The following USP30 variants were observed in gnomAD, a reference collection of about 807,000 sequenced individuals.
The protein encoded by USP30 is ubiquitin carboxyl-terminal hydrolase 30.
USP30 carries 41 observed loss-of-function variants against 68.2 expected under a neutral mutation model. The observed-to-expected ratio is 0.60, with a 90% CI of 0.47 to 0.78. The LOEUF (loss-of-function observed/expected upper bound fraction) is 0.78, where lower values mean the gene tolerates loss of function less well. USP30 is among the 30% of genes least tolerant of loss of function. The probability of loss-of-function intolerance (pLI) is 0.00; values close to 1 mark genes in which losing one functional copy is unlikely to be tolerated. For missense variants in USP30, 522 were observed against 649.4 expected, an observed-to-expected ratio of 0.80 and a Z score of 2.13; for synonymous variants, 229 against 253.7, an observed-to-expected ratio of 0.90 and a Z score of 0.93.
At chr12:109,027,442 T>A (rs1466819973) in intron 2 of USP30, 5 of 151,988 alleles carry the variant, frequency 3.3e-5, no homozygotes, top group Non-Finnish European at 7.4e-5. Flanking sequence ...CCAGCTAAGT[T>A]TTATTTATTT....
At position 109,085,208 on chromosome 12, in the gene USP30, A is replaced by G. The variant is rs2041911452; in HGVS notation, c.1289+135A>G. 4 of 1,046,364 alleles carry G rather than the reference A, an allele frequency of 3.8e-6. 1 individual carries two copies. The allele number at this position is 1,046,364 out of a possible 1,614,324, so 64.8% of individuals were successfully genotyped here. Reference sequence around the variant, plus strand: ...TTAAGGTGAAGTTTCACGATTACACATTCCTATTTATTTTTGTCCAAAATG... The same window carrying G: ...TTAAGGTGAAGTTTCACGATTACACGTTCCTATTTATTTTTGTCCAAAATG... On this transcript the variant is annotated intron_variant, in intron 12 of 12. Transcript: ENST00000257548.
chr12:109,053,407 C>T (rs2040735901), intron 1 of USP30, among the ~76,000 whole-genome samples: 1 of 152,012 alleles, frequency 6.6e-6, no homozygotes, highest in Non-Finnish European at 1.5e-5. Context: ...CCTGTTAAAG[C>T]CCTCCGTTCT....
At chr12:109,026,457 A>G (rs1183293431) in intron 2 of USP30, among the ~76,000 whole-genome samples, 1 of 151,088 alleles carries the variant, frequency 6.6e-6, no homozygotes, top group Non-Finnish European at 1.5e-5. Context: ...TTGGTGGCTT[A>G]CACAACAGAA....
chr12:109,067,177 G>A (rs1376862547), intron 3 of USP30, among the ~76,000 whole-genome samples: 5 of 140,346 alleles, frequency 3.6e-5, no homozygotes, highest in Non-Finnish European at 4.5e-5. Context: ...GCAGTGGCAC[G>A]ATGTCTGCTC....
chr12:109,026,893 C>T (rs1399212840), intron 2 of USP30, among the ~76,000 whole-genome samples: 1 of 152,164 alleles, frequency 6.6e-6, no homozygotes, highest in Non-Finnish European at 1.5e-5. Context: ...TGCTTACATG[C>T]TCTTTCCTTG....
At chr12:109,040,356 A>G (rs1321904533) in intron 3 of USP30, among the ~76,000 whole-genome samples, 2 of 152,212 alleles carry the variant, frequency 1.3e-5, no homozygotes, top group Non-Finnish European at 2.9e-5. Context: ...CACACTTTTA[A>G]CAAGCAGCTC....
In USP30 at chr12:109,047,293, G is replaced by A. The variant is rs139135839; in HGVS notation, c.-135-297G>A. Among the ~76,000 whole-genome samples, 6 of 152,200 alleles carry A rather than the reference G, an allele frequency of 3.9e-5. No individual in the cohort carries two copies. In the East Asian group the frequency reaches 1.2e-3, roughly 29 times the overall value. On this transcript the variant is annotated intron_variant, in intron 3 of 15. Coordinates refer to the USP30 transcript ENST00000392784. ...GAGGTCAACCCACAAACTTGTCTGG[G>A]GAGAAGGGTGAATCAGTGCTAAGAA... is the stretch of plus-strand genomic sequence containing the variant.
intron 1 of USP30, among the ~76,000 whole-genome samples, chr12:109,056,179 TTG>T (rs2040871536): frequency 7.2e-5 from 1 of 13,880 alleles, no homozygotes; most frequent in South Asian, 4.4e-3. Context: ...TTAGTTTTTG[TTG>T]TTGTTGTTGT....
chr12:109,075,531 T>C (rs2041574441), intron 7 of USP30, among the ~76,000 whole-genome samples: 1 of 152,192 alleles, frequency 6.6e-6, no homozygotes, highest in African/African-American at 2.4e-5. Context: ...TTTGTATTTT[T>C]AGTAGAGATC....
chr12:109,073,156 A>T (rs945795268), intron 6 of USP30, among the ~76,000 whole-genome samples: 4 of 152,248 alleles, frequency 2.6e-5, no homozygotes, highest in Admixed American at 2.0e-4. Flanking sequence ...CATTTTAAGC[A>T]TATGTTTGTA....
rs535748784 is a variant in USP30 at position 109,052,615 on chromosome 12, C to T, written c.-64C>T. 1.3e-4 allele frequency: 185 copies of T among 1,414,108 alleles called. No homozygotes were observed. Among genetic ancestry groups the T allele is most frequent in the Non-Finnish European group, 1.6e-4 (174 of 1,087,164 alleles). 87.6% of individuals were successfully genotyped at this position (1,414,108 alleles called of 1,614,324 possible). On this transcript the variant is annotated 5_prime_UTR_variant, in exon 1 of 13. Coordinates refer to ENST00000257548, the MANE Select transcript of USP30 (RefSeq NM_032663.5). ...CGCTGTCTCGGGAACCGTCGTATCCCTCGGTCCGGCGGCGGCGGCGGCGGT... is the reference window on the plus strand; with the variant it reads ...CGCTGTCTCGGGAACCGTCGTATCCTTCGGTCCGGCGGCGGCGGCGGCGGT...
intron 3 of USP30, among the ~76,000 whole-genome samples, chr12:109,036,721 TG>T (rs996733230): frequency 6.6e-6 from 1 of 152,154 alleles, no homozygotes; most frequent in African/African-American, 2.4e-5. Flanking sequence ...TTGACAGCTT[TG>T]TTTTTTTTTA....
intron 3 of USP30, among the ~76,000 whole-genome samples, chr12:109,064,625 C>G (rs1455083247): frequency 6.6e-6 from 1 of 152,136 alleles, no homozygotes; most frequent in Non-Finnish European, 1.5e-5. Flanking sequence ...TCAAGACACC[C>G]CAGTTTATTC....
chr12:109,074,405 A>G (rs1164235503), intron 7 of USP30, among the ~76,000 whole-genome samples: 1 of 152,222 alleles, frequency 6.6e-6, no homozygotes, highest in Non-Finnish European at 1.5e-5. Context: ...TAGAATTGCT[A>G]GCTTATATGG....
intron 2 of USP30, among the ~76,000 whole-genome samples, chr12:109,025,673 A>G (rs1241886244): frequency 6.6e-6 from 1 of 151,966 alleles, no homozygotes; most frequent in Non-Finnish European, 1.5e-5. Flanking sequence ...TGGAAGTGGA[A>G]CTGCCACTTT....
chr12:109,036,688 T>C (rs1226140321), intron 3 of USP30, among the ~76,000 whole-genome samples: 1 of 152,230 alleles, frequency 6.6e-6, no homozygotes, highest in African/African-American at 2.4e-5. Context: ...TAAAGAATAG[T>C]TTTGCCAGAT....
chr12:109,059,300 T>C (rs530874473), intron 3 of USP30, among the ~76,000 whole-genome samples: 1 of 152,176 alleles, frequency 6.6e-6, no homozygotes, highest in East Asian at 1.9e-4. Context: ...GTTCAAGTGA[T>C]TCTTGTGCCT....
At chr12:109,071,502 G>T (rs2041440382) in intron 4 of USP30, 110 bp from the exon 5 acceptor site, 2 of 840,580 alleles carry the variant, frequency 2.4e-6, no homozygotes, top group Non-Finnish European at 3.9e-6. Context: ...TGAGAAGGTA[G>T]AAAGCAAATT....
At chr12:109,052,443 C>T, upstream of USP30, 2 of 394,108 alleles carry the variant, frequency 5.1e-6, no homozygotes, top group Non-Finnish European at 9.0e-6. Flanking sequence ...GCGTAGCAAC[C>T]GACGCCGGGG....
Sources: gnomAD v4.1 joint callset for allele counts (sites outside exome capture counted in the v4.1 genomes callset) on GRCh38, gnomAD v4.1.1 for gene constraint, MANE v1.5 for transcripts, NCBI Gene and HGNC (gene_info 2026-07-23, HGNC 2026-07-21) for gene names.